MACROD2: variants seen among roughly 807,000 people sequenced by gnomAD.
The protein encoded by MACROD2 is ADP-ribose glycohydrolase MACROD2.
MACROD2 carries 36 observed loss-of-function variants against 70.4 expected under a neutral mutation model. The ratio of observed to expected loss-of-function variants is 0.51; its 90% CI spans 0.39 to 0.68. The LOEUF (loss-of-function observed/expected upper bound fraction) is 0.68. MACROD2 is among the 30% of genes least tolerant of loss of function. The probability of loss-of-function intolerance (pLI) is 0.00; values close to 1 mark genes in which losing one functional copy is unlikely to be tolerated. For synonymous variants in MACROD2, 172 were observed against 178.8 expected, an observed-to-expected ratio of 0.96 and a Z score of 0.30; for missense variants, 496 against 538.4, an observed-to-expected ratio of 0.92 and a Z score of 0.78.
At chr20:15,337,915 TGTTA>T (rs2078066556) in intron 6 of MACROD2, among the ~76,000 whole-genome samples, 1 of 151,808 alleles carries the variant, frequency 6.6e-6, no homozygotes, top group Non-Finnish European at 1.5e-5. Context: ...CACTGAATCA[TGTTA>T]GTAAAGGACT....
intron 6 of MACROD2, among the ~76,000 whole-genome samples, chr20:15,417,423 C>A (rs1201756624): frequency 6.6e-6 from 1 of 150,948 alleles, no homozygotes. Flanking sequence ...AGACCTCATC[C>A]CTATGAATAA....
At chr20:15,366,156 T>A (rs1408239493) in intron 6 of MACROD2, among the ~76,000 whole-genome samples, 5 of 152,218 alleles carry the variant, frequency 3.3e-5, no homozygotes, top group African/African-American at 7.2e-5. Flanking sequence ...TTCCCACTCT[T>A]GAACATTTTC....
chr20:15,710,854 A>C (rs903017057), intron 8 of MACROD2, among the ~76,000 whole-genome samples: 5 of 152,180 alleles, frequency 3.3e-5, no homozygotes, highest in African/African-American at 1.2e-4. Flanking sequence ...GGCCTCAAGG[A>C]CAATGATGTA....
At chr20:14,962,523 CTCTT>C (rs1413883760) in intron 5 of MACROD2, among the ~76,000 whole-genome samples, 16 of 140,174 alleles carry the variant, frequency 1.1e-4, no homozygotes, top group Non-Finnish European at 1.5e-5. Flanking sequence ...CTCTCTCTCT[CTCTT>C]TCTCTCTCTC....
At chr20:14,031,542 C>T (rs1225641507) in intron 2 of MACROD2, among the ~76,000 whole-genome samples, 4 of 152,052 alleles carry the variant, frequency 2.6e-5, no homozygotes, top group Non-Finnish European at 4.4e-5. Context: ...AATGATAAAT[C>T]TAATTTTTTT....
At chr20:14,218,999 T>C (rs577746036) in intron 3 of MACROD2, among the ~76,000 whole-genome samples, 6 of 152,358 alleles carry the variant, frequency 3.9e-5, no homozygotes, top group African/African-American at 1.4e-4. Context: ...GATAACCTGA[T>C]GACGAAGTGC....
intron 8 of MACROD2, among the ~76,000 whole-genome samples, chr20:15,710,995 T>G (rs1030312075): frequency 6.6e-6 from 1 of 152,216 alleles, no homozygotes; most frequent in Non-Finnish European, 1.5e-5. Context: ...AGAATTAAAT[T>G]GTATTGGGAA....
chr20:14,585,804 T>C (rs1004647328), intron 4 of MACROD2, among the ~76,000 whole-genome samples: 12 of 152,184 alleles, frequency 7.9e-5, no homozygotes, highest in Non-Finnish European at 1.5e-4. Context: ...TTAAAAGATT[T>C]ATGTTGATAT....
chr20:15,263,498 A>G (rs909178389), intron 6 of MACROD2, among the ~76,000 whole-genome samples: 3 of 151,914 alleles, frequency 2.0e-5, no homozygotes, highest in Non-Finnish European at 4.4e-5. Flanking sequence ...GGTCAGAATA[A>G]TTTTGGTGAT....
At chr20:16,008,657 A>G (rs151132262) in intron 15 of MACROD2, among the ~76,000 whole-genome samples, 1 of 152,330 alleles carries the variant, frequency 6.6e-6, no homozygotes, top group Non-Finnish European at 1.5e-5. Flanking sequence ...GGATGATATG[A>G]TTTAACATGT....
intron 8 of MACROD2, among the ~76,000 whole-genome samples, chr20:15,535,141 A>G (rs1018053416): frequency 6.6e-6 from 1 of 151,926 alleles, no homozygotes; most frequent in African/African-American, 2.4e-5. Flanking sequence ...GTGCTCAGCT[A>G]ATTTTTTAAA....
chr20:15,438,865 T>C (rs1299749915), intron 7 of MACROD2, among the ~76,000 whole-genome samples: 1 of 152,192 alleles, frequency 6.6e-6, no homozygotes, highest in Admixed American at 6.5e-5. Flanking sequence ...TAACTGAAGA[T>C]ATAGAAATCA....
intron 5 of MACROD2, among the ~76,000 whole-genome samples, chr20:14,702,687 G>T (rs1422301528): frequency 7.5e-6 from 1 of 133,314 alleles, no homozygotes; most frequent in South Asian, 2.4e-4. Context: ...ACATATATGT[G>T]TATATATATG....
intron 8 of MACROD2, among the ~76,000 whole-genome samples, chr20:15,844,298 G>A (rs1234054592): frequency 6.6e-6 from 1 of 152,020 alleles, no homozygotes; most frequent in Non-Finnish European, 1.5e-5. Context: ...CAGTCAGGAA[G>A]CTTATAATCC....
At chr20:15,617,755 A>T (rs975462022) in intron 8 of MACROD2, among the ~76,000 whole-genome samples, 2 of 152,190 alleles carry the variant, frequency 1.3e-5, no homozygotes, top group Admixed American at 1.3e-4. Flanking sequence ...CTTACTAGGA[A>T]ACAGAATAGC....
chr20:14,243,275 G>C (rs2122241345), intron 3 of MACROD2, among the ~76,000 whole-genome samples: 1 of 152,080 alleles, frequency 6.6e-6, no homozygotes, highest in East Asian at 1.9e-4. Context: ...CATTTAGTTT[G>C]AAACAAAGTG....
At chr20:14,370,790 C>A (rs566136140) in intron 3 of MACROD2, among the ~76,000 whole-genome samples, 1 of 152,094 alleles carries the variant, frequency 6.6e-6, no homozygotes, top group African/African-American at 2.4e-5. Flanking sequence ...GTTTCTTTTT[C>A]AGAAAACTGC....
chr20:14,576,303 A>ATGG, intron 4 of MACROD2, among the ~76,000 whole-genome samples: 1 of 152,314 alleles, frequency 6.6e-6, no homozygotes. Context: ...GCCACTCTTC[A>ATGG]TGGATGATTA....
chr20:15,546,176 C>T (rs946333418), intron 8 of MACROD2, among the ~76,000 whole-genome samples: 6 of 151,910 alleles, frequency 3.9e-5, no homozygotes, highest in African/African-American at 7.3e-5. Flanking sequence ...ACCTGGGAAG[C>T]GGAGGTTGCA....
Sources: allele counts gnomAD v4.1 joint callset (sites outside exome capture counted in the v4.1 genomes callset), GRCh38; gene constraint gnomAD v4.1.1; transcripts MANE v1.5; gene names NCBI Gene and HGNC (gene_info 2026-07-23, HGNC 2026-07-21).